The following ZCCHC7 variants were observed in gnomAD, a reference collection of about 807,000 sequenced individuals.
ZCCHC7 encodes the protein zinc finger CCHC domain-containing protein 7.
In ZCCHC7, 35 loss-of-function variants were observed where a neutral mutation model predicts 52.0. That is an observed-to-expected ratio of 0.67 (90% CI 0.51 to 0.89). The LOEUF (loss-of-function observed/expected upper bound fraction) is 0.89, where lower values mean the gene tolerates loss of function less well. ZCCHC7 is among the 40% of genes least tolerant of loss of function. The pLI, the probability that ZCCHC7 is intolerant of heterozygous loss-of-function variation, is 0.00. For missense variants in ZCCHC7, 574 were observed against 649.1 expected, an observed-to-expected ratio of 0.88 and a Z score of 1.26; for synonymous variants, 217 against 221.5, an observed-to-expected ratio of 0.98 and a Z score of 0.18.
intron 2 of ZCCHC7, among the ~76,000 whole-genome samples, chr9:37,164,656 A>ACTG (rs1376320713): frequency 6.6e-6 from 1 of 152,162 alleles, no homozygotes; most frequent in Non-Finnish European, 1.5e-5. Context: ...ATCATGGCTT[A>ACTG]CTGCAGCCTT....
chr9:37,224,307 T>A (rs1021107838), intron 2 of ZCCHC7, among the ~76,000 whole-genome samples: 3 of 152,260 alleles, frequency 2.0e-5, no homozygotes, highest in East Asian at 3.9e-4. Flanking sequence ...TACAATTTTT[T>A]AAAATCAGTG....
intron 5 of ZCCHC7, among the ~76,000 whole-genome samples, chr9:37,316,864 G>A (rs933983781): frequency 2.7e-5 from 3 of 109,576 alleles, no homozygotes; most frequent in Admixed American, 8.4e-5. Flanking sequence ...TTTCACATAA[G>A]CCTCTTTTTT....
intron 2 of ZCCHC7, among the ~76,000 whole-genome samples, chr9:37,280,609 C>CAA (rs34669154): frequency 6.8e-6 from 1 of 146,306 alleles, no homozygotes; most frequent in Non-Finnish European, 1.5e-5. Flanking sequence ...AAATCTATAG[C>CAA]AAAAAAAAAA....
At chr9:37,228,840 T>C (rs1825253703) in intron 2 of ZCCHC7, among the ~76,000 whole-genome samples, 1 of 149,856 alleles carries the variant, frequency 6.7e-6, no homozygotes, top group African/African-American at 2.5e-5. Context: ...GGGAACTTTT[T>C]TTTTTTTTTT....
chr9:37,208,578 C>T (rs1479427139), intron 2 of ZCCHC7, among the ~76,000 whole-genome samples: 1 of 152,212 alleles, frequency 6.6e-6, no homozygotes, highest in African/African-American at 2.4e-5. Context: ...TATGGGCTGG[C>T]AGCATCTCTA....
chr9:37,223,662 A>C (rs1427213519), intron 2 of ZCCHC7, among the ~76,000 whole-genome samples: 2 of 152,172 alleles, frequency 1.3e-5, no homozygotes, highest in African/African-American at 4.8e-5. Flanking sequence ...ATATTTTACC[A>C]CAGTAAAAGA....
chr9:37,245,112 A>T (rs1826029123), intron 2 of ZCCHC7, among the ~76,000 whole-genome samples: 1 of 151,986 alleles, frequency 6.6e-6, no homozygotes, highest in Non-Finnish European at 1.5e-5. Flanking sequence ...TGTATGTCAG[A>T]TTCTGAGTGC....
At chr9:37,297,341 T>C (rs528938333) in intron 2 of ZCCHC7, among the ~76,000 whole-genome samples, 3 of 152,320 alleles carry the variant, frequency 2.0e-5, no homozygotes, top group African/African-American at 7.2e-5. Context: ...AAGACATCTT[T>C]CTGTCTCCAA....
At chr9:37,195,682 T>C (rs554982675) in intron 2 of ZCCHC7, among the ~76,000 whole-genome samples, 2 of 152,266 alleles carry the variant, frequency 1.3e-5, no homozygotes, top group African/African-American at 4.8e-5. Context: ...TTGAGCAAAT[T>C]GTTTTGGGAG....
At chr9:37,142,901 A>G (rs540374149) in intron 2 of ZCCHC7, among the ~76,000 whole-genome samples, 14 of 151,966 alleles carry the variant, frequency 9.2e-5, no homozygotes, top group African/African-American at 2.9e-4. Context: ...TAAAAATAAC[A>G]AGGAATTAAT....
intron 6 of ZCCHC7, among the ~76,000 whole-genome samples, chr9:37,335,635 C>T (rs1385398012): frequency 1.3e-5 from 2 of 152,158 alleles, no homozygotes; most frequent in Non-Finnish European, 2.9e-5. Context: ...ACGTCCCAAA[C>T]TCAGGTTATT....
At chr9:37,338,231 T>C (rs574457631) in intron 6 of ZCCHC7, among the ~76,000 whole-genome samples, 2 of 152,298 alleles carry the variant, frequency 1.3e-5, no homozygotes, top group South Asian at 2.1e-4. Flanking sequence ...ATAAGCTTAA[T>C]AGCTCATTTT....
intron 2 of ZCCHC7, among the ~76,000 whole-genome samples, chr9:37,266,350 C>T (rs1827107314): frequency 1.3e-5 from 2 of 152,040 alleles, no homozygotes; most frequent in Admixed American, 1.3e-4. Context: ...CAGAGGAGCT[C>T]ATAGTACAAC....
intron 7 of ZCCHC7, among the ~76,000 whole-genome samples, chr9:37,352,443 T>C (rs963176353): frequency 6.6e-6 from 1 of 151,804 alleles, no homozygotes. Flanking sequence ...GAGTTAAAGA[T>C]TCTGCTGAAA....
At chr9:37,198,238 A>G (rs1321951851) in intron 2 of ZCCHC7, among the ~76,000 whole-genome samples, 1 of 152,210 alleles carries the variant, frequency 6.6e-6, no homozygotes, top group Non-Finnish European at 1.5e-5. Flanking sequence ...TGTGAGATGA[A>G]TAGACCCAGC....
At chr9:37,223,740 T>G (rs1330372886) in intron 2 of ZCCHC7, among the ~76,000 whole-genome samples, 1 of 152,126 alleles carries the variant, frequency 6.6e-6, no homozygotes, top group Non-Finnish European at 1.5e-5. Flanking sequence ...ATAGAGTGTA[T>G]GTAAGGTCTT....
At chr9:37,154,637 A>G (rs1322106066) in intron 2 of ZCCHC7, among the ~76,000 whole-genome samples, 1 of 151,116 alleles carries the variant, frequency 6.6e-6, no homozygotes, top group Non-Finnish European at 1.5e-5. Flanking sequence ...GCACACCACC[A>G]TGCCTGGGTG....
In ZCCHC7 at chr9:37,258,757, TAAAAAAAAAA is replaced by T. The variant is rs5897683; in HGVS notation, c.611-43412_611-43403del. 9.6e-4 allele frequency among the ~76,000 whole-genome samples: 53 copies of T among 55,372 alleles called. No homozygotes were observed. The East Asian group carries it at 0.015, about 16-fold the overall frequency. The allele number at this position is 55,372 out of a possible 152,430, so 36.3% of individuals were successfully genotyped here. ...GGTGAGAGAGCGAGATCCTGTCTCT[TAAAAAAAAAA>T]AAAAAAAAAAAAAAAAAAGTTTGTT... On this transcript the variant is annotated intron_variant, in intron 2 of 8. Coordinates refer to ENST00000336755, the MANE Select transcript of ZCCHC7 (RefSeq NM_032226.3).
chr9:37,336,931 G>A (rs1359161555), intron 6 of ZCCHC7, among the ~76,000 whole-genome samples: 6 of 152,022 alleles, frequency 3.9e-5, no homozygotes, highest in African/African-American at 1.4e-4. Context: ...ATTGTTTGGG[G>A]TCCAAACAGT....
Sources: allele counts gnomAD v4.1 joint callset (sites outside exome capture counted in the v4.1 genomes callset), GRCh38; gene constraint gnomAD v4.1.1; transcripts MANE v1.5; gene names NCBI Gene and HGNC (gene_info 2026-07-23, HGNC 2026-07-21).